The following SLC37A1 variants were observed in gnomAD, a reference collection of about 807,000 sequenced individuals.
The protein encoded by SLC37A1 is solute carrier family 37 member 1, also known as glucose-6-phosphate exchanger SLC37A1.
Under a neutral mutation model 75.3 loss-of-function variants are expected in SLC37A1, and 49 were observed. The ratio of observed to expected loss-of-function variants is 0.65; its 90% CI spans 0.52 to 0.83. The LOEUF (loss-of-function observed/expected upper bound fraction) is 0.83. Among genes scored for constraint, SLC37A1 ranks in the 40% least tolerant of loss-of-function variants. The pLI is 0.00. For synonymous variants in SLC37A1, 268 were observed against 292.1 expected (o/e 0.92, Z 0.84); for missense variants, 566 against 695.0 (o/e 0.81, Z 2.09).
intron 2 of SLC37A1, among the ~76,000 whole-genome samples, chr21:42,521,818 CA>C (rs2054657482): frequency 6.6e-6 from 1 of 152,132 alleles, no homozygotes; most frequent in African/African-American, 2.4e-5. Context: ...AAACATAACA[CA>C]AAACAAAAAT....
At chr21:42,566,085 G>A (rs1248901793) in intron 15 of SLC37A1, among the ~76,000 whole-genome samples, 1 of 152,220 alleles carries the variant, frequency 6.6e-6, no homozygotes, top group Non-Finnish European at 1.5e-5. Flanking sequence ...CATTCTGTGG[G>A]TTTCACTGTG....
Position 42,517,860 on chromosome 21 carries a change from G to A in SLC37A1, c.-178-417G>A, listed in dbSNP as rs932372368. On this transcript the variant is annotated intron_variant, in intron 1 of 19. Transcript: ENST00000352133. Reference sequence around the variant, plus strand: ...TAGGCCCACATTTCTCTGTCACTACGGTTCAAAGGTGGCCTGGTCCATAGG... The same window carrying A: ...TAGGCCCACATTTCTCTGTCACTACAGTTCAAAGGTGGCCTGGTCCATAGG... 3.3e-5 allele frequency among the ~76,000 whole-genome samples: 5 copies of A among 152,272 alleles called. No individual in the cohort carries two copies. The South Asian group carries it at 6.2e-4, about 19-fold the overall frequency.
In SLC37A1 at chr21:42,565,972, T is replaced by C. The variant is rs985059933; in HGVS notation, c.1270+97T>C. The C allele has an allele frequency of 8.7e-6, 11 of 1,257,594 alleles. No homozygotes were observed. The African/African-American group carries it at 1.7e-4, about 19-fold the overall frequency. The allele number at this position is 1,257,594 out of a possible 1,614,324, so 77.9% of individuals were successfully genotyped here. On this transcript the variant is annotated intron_variant, in intron 15 of 19. Transcript: ENST00000352133. ...ACTAAAATCAACAGGCGCATTGAGC[T>C]GGTTTAACTGGAGCACATGGTGTGG...
chr21:42,525,655 A>G, intron 2 of SLC37A1, 121 bp from the exon 3 acceptor site: 1 of 673,008 alleles, frequency 1.5e-6, no homozygotes, highest in Non-Finnish European at 2.6e-6. Flanking sequence ...TAATATTGAT[A>G]ATGGCTGTAG....
intron 5 of SLC37A1, among the ~76,000 whole-genome samples, chr21:42,538,227 G>C (rs1401880467): frequency 6.6e-6 from 1 of 152,232 alleles, no homozygotes; most frequent in Non-Finnish European, 1.5e-5. Context: ...GGTCTCTGAA[G>C]TGGGCAGGTT....
At position 42,554,218 on chromosome 21, in the gene SLC37A1, G is replaced by C. The variant is rs568223981; in HGVS notation, c.849+76G>C. The C allele has an allele frequency of 1.6e-5, 21 of 1,292,686 alleles. No homozygotes were observed. The East Asian group carries it at 4.7e-4, about 29-fold the overall frequency. The allele number at this position is 1,292,686 out of a possible 1,614,324, so 80.1% of individuals were successfully genotyped here. A position where few individuals can be genotyped will look rare whatever the true frequency, so the allele number is the denominator to read the frequency against. Reference sequence around the variant, plus strand: ...CTCCTTTGAGCCACGTCGGCTCTCTGTCCCTCTGCCTATGTGACATGTGTC... The same window carrying C: ...CTCCTTTGAGCCACGTCGGCTCTCTCTCCCTCTGCCTATGTGACATGTGTC... On this transcript the variant is annotated intron_variant, in intron 10 of 19. Transcript: ENST00000352133.
chr21:42,569,733 T>C (rs1395218400), intron 17 of SLC37A1, among the ~76,000 whole-genome samples: 2 of 152,244 alleles, frequency 1.3e-5, no homozygotes, highest in African/African-American at 4.8e-5. Context: ...CTGTTTTGTC[T>C]CCTCTGTCTC....
At chr21:42,520,024 G>A (rs6586323) in intron 2 of SLC37A1, among the ~76,000 whole-genome samples, 22,152 of 151,702 alleles carry the variant, frequency 0.15, 2,365 homozygotes, top group African/African-American at 0.3. Context: ...ACACTTTTCT[G>A]AACCACTTGA....
chr21:42,521,531 G>T (rs2054649763), intron 2 of SLC37A1, among the ~76,000 whole-genome samples: 2 of 152,338 alleles, frequency 1.3e-5, no homozygotes, highest in South Asian at 4.1e-4. Flanking sequence ...CAAGGAGACA[G>T]ATATTTTGCA....
At chr21:42,520,892 G>A (rs573244595) in intron 2 of SLC37A1, among the ~76,000 whole-genome samples, 74 of 152,192 alleles carry the variant, frequency 4.9e-4, no homozygotes, top group Non-Finnish European at 8.1e-4. Flanking sequence ...ACTCTGACTT[G>A]TCAAATCTAG....
At chr21:42,565,935 GC>G in intron 15 of SLC37A1, 60 bp downstream of exon 15, 1 of 1,535,500 alleles carries the variant, frequency 6.5e-7, no homozygotes, top group Non-Finnish European at 9.0e-7. Context: ...CACACAGCTG[GC>G]AAGATGAAAT....
At chr21:42,520,386 A>G (rs1341922878) in intron 2 of SLC37A1, among the ~76,000 whole-genome samples, 3 of 152,032 alleles carry the variant, frequency 2.0e-5, no homozygotes, top group African/African-American at 7.2e-5. Flanking sequence ...GTTGTGTTTG[A>G]AGAGTTCAAG....
rs375410895 is a variant in SLC37A1, at chr21:42,537,091, C to G, written c.350+1541C>G. On this transcript the variant is annotated intron_variant, in intron 5 of 19. Transcript: ENST00000352133. ...TAGGATCATCAAGACCTGGGCCCCC[C>G]TACCCCGCTCAGAGCCCTGGTGGGT... Among the ~76,000 whole-genome samples the G allele has an allele frequency of 9.2e-5, 14 of 152,352 alleles. 3 individuals are homozygous for G. Among genetic ancestry groups the G allele is most frequent in the East Asian group, 1.9e-4 (1 of 5,184 alleles).
At position 42,573,234 on chromosome 21, in the gene SLC37A1, G is replaced by A. The variant is rs974626758; in HGVS notation, c.1424-1584G>A. On this transcript the variant is annotated intron_variant, in intron 17 of 19. Transcript: ENST00000352133. Reference sequence around the variant, plus strand: ...AAAAGAGACCTGGGATCCGAGGTGCGGCAGAGGGAATGTAGCTAACAGTTT... The same window carrying A: ...AAAAGAGACCTGGGATCCGAGGTGCAGCAGAGGGAATGTAGCTAACAGTTT... 9.9e-5 allele frequency among the ~76,000 whole-genome samples: 15 copies of A among 152,172 alleles called. No individual in the cohort carries two copies. The South Asian group carries it at 2.3e-3, about 23-fold the overall frequency.
chr21:42,580,690 G>GGGGCC lies in SLC37A1; in HGVS notation c.*330_*331insGGGCC. On this transcript the variant is annotated 3_prime_UTR_variant, in exon 20 of 20. Transcript: ENST00000352133. ...CAACAAGGCCGGGAGGGTGGGGGGG[G>GGGGCC]TGCACAGGTAGCCCCGACCCTCTCA... is the stretch of plus-strand genomic sequence containing the variant. 1 of 303,990 alleles carries GGGGCC rather than the reference G, an allele frequency of 3.3e-6. No individual in the cohort carries two copies. The highest frequency in any genetic ancestry group is 6.3e-6 in the Non-Finnish European group (1 of 158,120). The allele number at this position is 303,990 out of a possible 1,614,324, so 18.8% of individuals were successfully genotyped here. A position where few individuals can be genotyped will look rare whatever the true frequency, so the allele number is the denominator to read the frequency against.
chr21:42,571,405 CAATTA>C (rs1311867541), intron 17 of SLC37A1, among the ~76,000 whole-genome samples: 2 of 152,172 alleles, frequency 1.3e-5, no homozygotes, highest in East Asian at 3.9e-4. Context: ...TCATGCAGAG[CAATTA>C]AATAGGGCAC....
intron 1 of SLC37A1, among the ~76,000 whole-genome samples, chr21:42,517,257 C>T (rs760497019): frequency 1.3e-5 from 2 of 152,128 alleles, no homozygotes; most frequent in Admixed American, 6.5e-5. Context: ...GGAGAGGGAG[C>T]AGAAAGGTTA....
At chr21:42,528,433 C>G (rs1041041805) in intron 3 of SLC37A1, among the ~76,000 whole-genome samples, 1 of 152,160 alleles carries the variant, frequency 6.6e-6, no homozygotes, top group East Asian at 1.9e-4. Flanking sequence ...AGAGGCTTCC[C>G]GGAGAAGCTT....
chr21:42,515,716 G>C (rs567634356), intron 1 of SLC37A1, among the ~76,000 whole-genome samples: 1 of 152,190 alleles, frequency 6.6e-6, no homozygotes, highest in Non-Finnish European at 1.5e-5. Flanking sequence ...AGGTTTTACA[G>C]GTTGTAATAA....
Sources: allele counts gnomAD v4.1 joint callset (sites outside exome capture counted in the v4.1 genomes callset), GRCh38; gene constraint gnomAD v4.1.1; transcripts MANE v1.5; gene names NCBI Gene and HGNC (gene_info 2026-07-23, HGNC 2026-07-21).